The following NTM variants were observed in gnomAD, a reference collection of about 807,000 sequenced individuals.
NTM encodes neurotrimin.
NTM carries 13 observed loss-of-function variants against 42.1 expected under a neutral mutation model. The ratio of observed to expected loss-of-function variants is 0.31; its 90% CI spans 0.20 to 0.49. The LOEUF (loss-of-function observed/expected upper bound fraction) is 0.49. Ranked by LOEUF, NTM falls within the 20% of genes least tolerant of loss-of-function variation. The pLI is 0.99. For missense variants in NTM, 373 were observed against 452.8 expected, an observed-to-expected ratio of 0.82 and a Z score of 1.60; for synonymous variants, 187 against 179.2, an observed-to-expected ratio of 1.04 and a Z score of -0.35.
At chr11:132,048,426 G>A (rs992878212) in intron 2 of NTM, among the ~76,000 whole-genome samples, 4 of 152,132 alleles carry the variant, frequency 2.6e-5, no homozygotes, top group Admixed American at 6.5e-5. Flanking sequence ...AAGAATAGAG[G>A]GGCCAGTACT....
intron 1 of NTM, among the ~76,000 whole-genome samples, chr11:131,736,377 A>C (rs1269159204): frequency 6.6e-6 from 1 of 152,124 alleles, no homozygotes; most frequent in Non-Finnish European, 1.5e-5. Flanking sequence ...GCTGGGGAAA[A>C]TGTTCACACA....
chr11:131,968,542 T>C (rs952122503), intron 2 of NTM, among the ~76,000 whole-genome samples: 10 of 152,136 alleles, frequency 6.6e-5, no homozygotes, highest in African/African-American at 2.4e-4. Context: ...GGGATGCCCA[T>C]TTCTGTGTCT....
At position 131,441,466 on chromosome 11, in the gene NTM, A is replaced by G. The variant is rs542179093; in HGVS notation, c.82+70578A>G. On this transcript the variant is annotated intron_variant, in intron 1 of 8. Transcript: ENST00000683400. Reference sequence around the variant, plus strand: ...GAAAAGAAATCAATTCACTCTCCATATGCTGCACAGCAAAAACCACCACTC... The same window carrying G: ...GAAAAGAAATCAATTCACTCTCCATGTGCTGCACAGCAAAAACCACCACTC... Among the ~76,000 whole-genome samples, 14 of 152,336 alleles carry G rather than the reference A, an allele frequency of 9.2e-5. No homozygotes were observed. The South Asian group carries it at 2.5e-3, about 27-fold the overall frequency.
chr11:132,260,319 C>T (rs1346982348), intron 4 of NTM, among the ~76,000 whole-genome samples: 1 of 151,816 alleles, frequency 6.6e-6, no homozygotes, highest in Non-Finnish European at 1.5e-5. Context: ...CTCAAAGTCA[C>T]ACAGCTAATT....
intron 1 of NTM, among the ~76,000 whole-genome samples, chr11:131,458,720 C>T (rs1951120819): frequency 1.3e-5 from 2 of 152,224 alleles, no homozygotes; most frequent in South Asian, 4.1e-4. Context: ...AGAGTAGTTA[C>T]CAATCTCAGG....
chr11:132,122,942 G>A (rs10894507), intron 2 of NTM, among the ~76,000 whole-genome samples: 28,187 of 151,952 alleles, frequency 0.19, 2,756 homozygotes, highest in East Asian at 0.26. Context: ...AACAAAAAGA[G>A]CAAGGGAGAT....
chr11:131,517,340 T>C (rs537750268), intron 1 of NTM, among the ~76,000 whole-genome samples: 181 of 152,326 alleles, frequency 1.2e-3, no homozygotes, highest in African/African-American at 4.1e-3. Context: ...GACCACAGAC[T>C]CAGAAACTCC....
At chr11:131,544,284 T>C (rs1345983415) in intron 1 of NTM, among the ~76,000 whole-genome samples, 1 of 152,220 alleles carries the variant, frequency 6.6e-6, no homozygotes, top group East Asian at 1.9e-4. Context: ...ATTAAAATAC[T>C]ACAGAAGCAT....
chr11:131,731,624 G>A (rs547322634), intron 1 of NTM, among the ~76,000 whole-genome samples: 25 of 152,114 alleles, frequency 1.6e-4, no homozygotes, highest in Non-Finnish European at 3.1e-4. Context: ...GCCTGCATAC[G>A]TTAATCTTTT....
intron 1 of NTM, among the ~76,000 whole-genome samples, chr11:131,707,317 A>G (rs1389241854): frequency 1.3e-5 from 2 of 152,102 alleles, no homozygotes; most frequent in Non-Finnish European, 2.9e-5. Context: ...ATTGTTACGA[A>G]TGAAGAATTT....
intron 1 of NTM, among the ~76,000 whole-genome samples, chr11:131,456,747 T>C (rs1950933118): frequency 6.6e-6 from 1 of 152,194 alleles, no homozygotes; most frequent in African/African-American, 2.4e-5. Flanking sequence ...ACATTTTGAG[T>C]TGGGGCTAGA....
chr11:132,241,913 C>T (rs2090268702), intron 4 of NTM, among the ~76,000 whole-genome samples: 1 of 152,172 alleles, frequency 6.6e-6, no homozygotes, highest in African/African-American at 2.4e-5. Context: ...TGTAAACTAG[C>T]CTTTGTTGTG....
intron 1 of NTM, among the ~76,000 whole-genome samples, chr11:131,679,542 C>G (rs1405617594): frequency 6.6e-6 from 1 of 151,876 alleles, no homozygotes; most frequent in African/African-American, 2.4e-5. Context: ...TGCTGCCTGC[C>G]CAGCTTTCAG....
In NTM at chr11:131,929,151, A is replaced by AG. The variant is rs11439681; in HGVS notation, c.167+17506dup. 7.0e-3 allele frequency among the ~76,000 whole-genome samples: 1,062 copies of AG among 151,422 alleles called. 17 individuals carry two copies. Among genetic ancestry groups the AG allele is most frequent in the South Asian group, 0.039 (190 of 4,824 alleles). ...CTGAAGAGGAGAGCGGCAGCCAGGG[A>AG]GGGAAAGGAGGAAGTGTGCGAGTTT... On this transcript the variant is annotated intron_variant, in intron 2 of 8. Coordinates refer to ENST00000683400, the MANE Select transcript of NTM (RefSeq NM_001352005.2).
At chr11:131,856,204 T>A (rs1188256177) in intron 1 of NTM, among the ~76,000 whole-genome samples, 1 of 152,138 alleles carries the variant, frequency 6.6e-6, no homozygotes, top group African/African-American at 2.4e-5. Context: ...ACAATGCTAA[T>A]TTTTTCCACA....
At chr11:132,102,050 C>T (rs899259497) in intron 2 of NTM, among the ~76,000 whole-genome samples, 2 of 152,172 alleles carry the variant, frequency 1.3e-5, no homozygotes, top group African/African-American at 4.8e-5. Context: ...GCCTGCTTCA[C>T]GCCTCTAAGT....
intron 1 of NTM, among the ~76,000 whole-genome samples, chr11:131,824,955 A>G (rs1683502221): frequency 6.6e-6 from 1 of 152,202 alleles, no homozygotes; most frequent in Non-Finnish European, 1.5e-5. Context: ...TTAGTTTGCT[A>G]GGGCTGCTGT....
At chr11:131,817,610 T>C (rs1166065347) in intron 1 of NTM, among the ~76,000 whole-genome samples, 1 of 152,220 alleles carries the variant, frequency 6.6e-6, no homozygotes, top group Non-Finnish European at 1.5e-5. Context: ...ATTCAAGGAA[T>C]ACTCAGAGTT....
intron 3 of NTM, among the ~76,000 whole-genome samples, chr11:132,166,001 G>A (rs2075212762): frequency 6.6e-6 from 1 of 152,056 alleles, no homozygotes; most frequent in Non-Finnish European, 1.5e-5. Flanking sequence ...GAGCTATTTA[G>A]TAGATATATC....
Sources: gnomAD v4.1 joint callset for allele counts (sites outside exome capture counted in the v4.1 genomes callset) on GRCh38, gnomAD v4.1.1 for gene constraint, MANE v1.5 for transcripts, NCBI Gene and HGNC (gene_info 2026-07-23, HGNC 2026-07-21) for gene names.